The following CLNK variants were observed in gnomAD, a reference collection of about 807,000 sequenced individuals.
CLNK encodes the protein cytokine dependent hematopoietic cell linker.
CLNK carries 74 observed loss-of-function variants against 68.6 expected under a neutral mutation model. The ratio of observed to expected loss-of-function variants is 1.08; its 90% confidence interval spans 0.89 to 1.31. CLNK has a LOEUF of 1.31. CLNK is among the 50% of genes most tolerant of loss of function. The pLI, the probability that CLNK is intolerant of heterozygous loss-of-function variation, is 0.00. For missense variants in CLNK, 553 were observed against 515.3 expected, an observed-to-expected ratio of 1.07 and a Z score of -0.71; for synonymous variants, 198 against 172.2, an observed-to-expected ratio of 1.15 and a Z score of -1.17.
At chr4:10,585,380 G>A (rs1720932800) in intron 3 of CLNK, among the ~76,000 whole-genome samples, 2 of 152,202 alleles carry the variant, frequency 1.3e-5, no homozygotes, top group Admixed American at 1.3e-4. Context: ...TATAGTTGTG[G>A]CAATCACCGA....
At chr4:10,566,401 A>G (rs1235663942) in intron 5 of CLNK, among the ~76,000 whole-genome samples, 2 of 152,240 alleles carry the variant, frequency 1.3e-5, no homozygotes, top group Non-Finnish European at 2.9e-5. Context: ...GGGACAGTGC[A>G]GATGTAATGA....
intron 2 of CLNK, among the ~76,000 whole-genome samples, chr4:10,643,400 T>C (rs1279916631): frequency 6.6e-6 from 1 of 152,252 alleles, no homozygotes; most frequent in Non-Finnish European, 1.5e-5. Flanking sequence ...AGAGACACAG[T>C]CCTTGTCCTG....
the CLNK span, among the ~76,000 whole-genome samples, chr4:10,708,442 C>A: frequency 6.6e-6 from 1 of 151,906 alleles, no homozygotes; most frequent in Non-Finnish European, 1.5e-5. Flanking sequence ...AGTAACTTGC[C>A]CAAGGTGACA....
intron 5 of CLNK, among the ~76,000 whole-genome samples, chr4:10,571,322 G>A (rs1577137302): frequency 7.8e-6 from 1 of 127,390 alleles, no homozygotes; most frequent in Admixed American, 8.7e-5. Flanking sequence ...TGTTGTTGCT[G>A]TTGCTTTTTT....
chr4:10,662,392 T>C (rs1322745906), intron 2 of CLNK, among the ~76,000 whole-genome samples: 2 of 152,230 alleles, frequency 1.3e-5, no homozygotes, highest in African/African-American at 2.4e-5. Flanking sequence ...GCATGTGCTG[T>C]ACACTGGAAC....
intron 2 of CLNK, among the ~76,000 whole-genome samples, chr4:10,656,727 C>T (rs375513409): frequency 2.6e-5 from 4 of 152,164 alleles, no homozygotes; most frequent in South Asian, 2.1e-4. Flanking sequence ...ACAGATACTC[C>T]TGAATCTATG....
chr4:10,707,000 T>C, the CLNK span, among the ~76,000 whole-genome samples: 1 of 149,894 alleles, frequency 6.7e-6, no homozygotes, highest in African/African-American at 2.5e-5. Context: ...CAGGCTGTTC[T>C]TGAACTCCTG....
chr4:10,668,247 C>G (rs13116161), intron 1 of CLNK, among the ~76,000 whole-genome samples: 122,849 of 152,120 alleles, frequency 0.81, 50,058 homozygotes, highest in Non-Finnish European at 0.87. Flanking sequence ...GGCTGGCTCT[C>G]CTCTGAGCCA....
Position 10,606,059 on chromosome 4 carries a change from A to AT in CLNK, c.12-8011dup, listed in dbSNP as rs570870886. 5.9e-4 allele frequency among the ~76,000 whole-genome samples: 89 copies of AT among 152,102 alleles called. 1 individual carries two copies. In the South Asian group the frequency reaches 0.017, roughly 29 times the overall value. On this transcript the variant is annotated intron_variant, in intron 2 of 18. Transcript: ENST00000226951. Reference sequence around the variant, plus strand: ...TTTTCTTTAAACTTAGCTTACTGTAATTTTTTATGTTATTAATATTTCAAT... The same window carrying AT: ...TTTTCTTTAAACTTAGCTTACTGTAATTTTTTTATGTTATTAATATTTCAAT...
chr4:10,613,149 A>G (rs6448137), intron 2 of CLNK, among the ~76,000 whole-genome samples: 3,840 of 152,344 alleles, frequency 0.025, 163 homozygotes, highest in African/African-American at 0.079. Context: ...AAGGACAACA[A>G]TAACAGTAAA....
chr4:10,706,278 C>A, the CLNK span, among the ~76,000 whole-genome samples: 1 of 152,168 alleles, frequency 6.6e-6, no homozygotes, highest in Non-Finnish European at 1.5e-5. Context: ...CTAAACCTCC[C>A]GTGTCCTTCC....
chr4:10,590,018 C>T lies in CLNK; in HGVS notation c.84-5063G>A, dbSNP rs114678518. 5.8e-3 allele frequency among the ~76,000 whole-genome samples: 883 copies of T among 152,246 alleles called. 12 individuals carry two copies. The highest frequency in any genetic ancestry group is 0.02 in the African/African-American group (836 of 41,548). ...CCTTCTGCCTTCCCTATCTCTGCTC[C>T]CCTCCACATTTGGGCCTAAAGAAAG... On this transcript the variant is annotated intron_variant, in intron 3 of 18. Coordinates refer to ENST00000226951, the MANE Select transcript of CLNK (RefSeq NM_052964.4).
At chr4:10,608,896 A>G (rs1025797347) in intron 2 of CLNK, among the ~76,000 whole-genome samples, 1 of 152,198 alleles carries the variant, frequency 6.6e-6, no homozygotes, top group African/African-American at 2.4e-5. Flanking sequence ...CCTGATTTGC[A>G]GAGAGCTGTT....
intron 4 of CLNK, among the ~76,000 whole-genome samples, chr4:10,581,961 A>G (rs544281807): frequency 6.6e-6 from 1 of 152,344 alleles, no homozygotes; most frequent in South Asian, 2.1e-4. Flanking sequence ...TGTTAAAAGT[A>G]GGGATTCCCT....
At chr4:10,586,263 C>G (rs1720961995) in intron 3 of CLNK, among the ~76,000 whole-genome samples, 1 of 151,926 alleles carries the variant, frequency 6.6e-6, no homozygotes, top group African/African-American at 2.4e-5. Flanking sequence ...TTTGCTAGTC[C>G]TAACTATGTA....
At chr4:10,713,149 C>G in the CLNK span, among the ~76,000 whole-genome samples, 14,644 of 152,086 alleles carry the variant, frequency 0.096, 823 homozygotes, top group South Asian at 0.21. Context: ...TTTTTCTGGG[C>G]AGTAGGAAAG....
Position 10,507,884 on chromosome 4 carries a change from G to A in CLNK, c.984+75C>T, listed in dbSNP as rs924873256. 3.9e-5 allele frequency: 42 copies of A among 1,080,636 alleles called. No homozygotes were observed. The East Asian group carries it at 5.4e-4, about 14-fold the overall frequency. 66.9% of individuals were successfully genotyped at this position (1,080,636 alleles called of 1,614,324 possible). On this transcript the variant is annotated intron_variant, in intron 17 of 18. Transcript: ENST00000226951. ...TACATGAAAGCAAGCTGCTTGTTAC[G>A]TCTTGTGACACATAAGCAGAGAACC...
At chr4:10,508,408 A>C (rs542736743) in intron 16 of CLNK, among the ~76,000 whole-genome samples, 20 of 152,306 alleles carry the variant, frequency 1.3e-4, no homozygotes, top group African/African-American at 4.6e-4. Flanking sequence ...CCCTAGTCAC[A>C]TGCAAACAGC....
chr4:10,533,202 G>A (rs1414891387), intron 11 of CLNK, among the ~76,000 whole-genome samples: 3 of 152,218 alleles, frequency 2.0e-5, no homozygotes, highest in Non-Finnish European at 4.4e-5. Context: ...AGAGATTGCT[G>A]TGAGCTGAGA....
Sources: allele counts gnomAD v4.1 joint callset (sites outside exome capture counted in the v4.1 genomes callset), GRCh38; gene constraint gnomAD v4.1.1; transcripts MANE v1.5; gene names NCBI Gene and HGNC (gene_info 2026-07-23, HGNC 2026-07-21).